The following CSMD3 variants were observed in gnomAD, a reference collection of about 807,000 sequenced individuals.
CSMD3 encodes the protein CUB and Sushi multiple domains 3, also known as CUB and sushi domain-containing protein 3.
A neutral mutation model predicts 435.2 loss-of-function variants in CSMD3; 177 were observed. The ratio of observed to expected loss-of-function variants is 0.41; its 90% CI spans 0.36 to 0.46. The LOEUF (loss-of-function observed/expected upper bound fraction) is 0.46. CSMD3 is among the 20% of genes least tolerant of loss of function. CSMD3 has a pLI of 0.34. For synonymous variants in CSMD3, 1,656 were observed against 1,520.5 expected, an observed-to-expected ratio of 1.09 and a Z score of -2.07; for missense variants, 4,265 against 4,504.6, an observed-to-expected ratio of 0.95 and a Z score of 1.52.
chr8:112,542,458 A>C (rs1364756844), intron 27 of CSMD3, among the ~76,000 whole-genome samples: 1 of 151,944 alleles, frequency 6.6e-6, no homozygotes, highest in Non-Finnish European at 1.5e-5. Flanking sequence ...TAAATTCAAT[A>C]AAGTTTCAGG....
intron 68 of CSMD3, among the ~76,000 whole-genome samples, chr8:112,232,812 C>T (rs1213929484): frequency 6.6e-6 from 1 of 151,976 alleles, no homozygotes; most frequent in Non-Finnish European, 1.5e-5. Context: ...ACCACTTGCC[C>T]CTCTGAGAGT....
intron 13 of CSMD3, among the ~76,000 whole-genome samples, chr8:112,799,912 C>T (rs2132327915): frequency 6.6e-6 from 1 of 151,754 alleles, no homozygotes; most frequent in South Asian, 2.1e-4. Flanking sequence ...GATTGAAACA[C>T]AAGGATAGTA....
chr8:113,020,584 G>A (rs1352397609), intron 5 of CSMD3, among the ~76,000 whole-genome samples: 1 of 152,172 alleles, frequency 6.6e-6, no homozygotes, highest in Non-Finnish European at 1.5e-5. Flanking sequence ...AAGAGTTTCA[G>A]ATTAAGGTTT....
intron 31 of CSMD3, among the ~76,000 whole-genome samples, chr8:112,491,144 T>C (rs1468623872): frequency 1.3e-5 from 2 of 152,172 alleles, no homozygotes; most frequent in South Asian, 4.1e-4. Flanking sequence ...CATGTAATTC[T>C]TATAAGTGAA....
chr8:112,714,073 T>A (rs1340936979), intron 13 of CSMD3, among the ~76,000 whole-genome samples: 2 of 152,094 alleles, frequency 1.3e-5, no homozygotes, highest in African/African-American at 4.8e-5. Context: ...CACATAATAA[T>A]ATTAACCTTA....
At chr8:112,840,316 T>C (rs1410566358) in intron 11 of CSMD3, among the ~76,000 whole-genome samples, 1 of 151,766 alleles carries the variant, frequency 6.6e-6, no homozygotes, top group Non-Finnish European at 1.5e-5. Context: ...AATTCTTCCA[T>C]TTCACGAACT....
chr8:112,930,648 C>G (rs1179113412), intron 9 of CSMD3, among the ~76,000 whole-genome samples: 4 of 152,018 alleles, frequency 2.6e-5, no homozygotes, highest in Non-Finnish European at 4.4e-5. Flanking sequence ...TTCTAGTTTA[C>G]AAAGTACTTT....
chr8:113,130,283 T>C (rs1464057804), intron 4 of CSMD3, among the ~76,000 whole-genome samples: 1 of 152,156 alleles, frequency 6.6e-6, no homozygotes, highest in East Asian at 1.9e-4. Flanking sequence ...ATGGTTTGTA[T>C]TTGTGTCCCC....
intron 32 of CSMD3, among the ~76,000 whole-genome samples, chr8:112,428,307 AT>A (rs1323319141): frequency 6.6e-6 from 1 of 152,180 alleles, no homozygotes; most frequent in Non-Finnish European, 1.5e-5. Context: ...GTACAAAAAA[AT>A]ATATTCTCAA....
rs1026055242 is a variant in CSMD3, at chr8:113,238,034, C to T, written c.514+40558G>A. Among the ~76,000 whole-genome samples the T allele has an allele frequency of 5.6e-5, 8 of 143,748 alleles. No individual in the cohort carries two copies. In the Admixed American group the frequency reaches 5.7e-4, roughly 10 times the overall value. 94.3% of individuals were successfully genotyped at this position (143,748 alleles called of 152,430 possible). ...AGGTTGCAGTGAGCAGATATCACAC[C>T]ATTGCACTCCAGCCTGGGCAACAGA... On this transcript the variant is annotated intron_variant, in intron 3 of 70. Transcript: ENST00000297405.
At chr8:112,263,037 C>G (rs888254) in intron 61 of CSMD3, among the ~76,000 whole-genome samples, 31,748 of 151,354 alleles carry the variant, frequency 0.21, 3,766 homozygotes, top group East Asian at 0.37. Flanking sequence ...GTTCTAGAAT[C>G]ATTTATGTAA....
intron 10 of CSMD3, among the ~76,000 whole-genome samples, chr8:112,910,853 C>T (rs1318193857): frequency 1.3e-5 from 2 of 151,816 alleles, no homozygotes; most frequent in African/African-American, 2.4e-5. Flanking sequence ...CCAGTGAAAA[C>T]GATTTTACCC....
chr8:113,375,989 G>A (rs779314256), intron 1 of CSMD3, among the ~76,000 whole-genome samples: 1 of 150,074 alleles, frequency 6.7e-6, no homozygotes, highest in Non-Finnish European at 1.5e-5. Context: ...CTGGAGCCCT[G>A]TCTAAGACGC....
intron 13 of CSMD3, among the ~76,000 whole-genome samples, chr8:112,720,514 T>G (rs2076834114): frequency 6.6e-6 from 1 of 152,162 alleles, no homozygotes; most frequent in Non-Finnish European, 1.5e-5. Context: ...TTTCCAAAAC[T>G]TAATATTTTA....
chr8:113,120,014 A>C (rs897226382), intron 4 of CSMD3, among the ~76,000 whole-genome samples: 3 of 152,046 alleles, frequency 2.0e-5, no homozygotes, highest in African/African-American at 4.8e-5. Flanking sequence ...CAAATAAAAA[A>C]AATTTTCCTA....
intron 5 of CSMD3, among the ~76,000 whole-genome samples, chr8:113,023,104 T>C (rs1045272708): frequency 2.0e-5 from 3 of 152,076 alleles, no homozygotes; most frequent in African/African-American, 4.8e-5. Flanking sequence ...TTTTCTTTAA[T>C]GTTAAACCGC....
At chr8:112,919,635 A>G (rs756571658) in intron 10 of CSMD3, among the ~76,000 whole-genome samples, 34 of 151,820 alleles carry the variant, frequency 2.2e-4, no homozygotes, top group Non-Finnish European at 4.1e-4. Flanking sequence ...ACATTGAAGT[A>G]GGATATTTGA....
intron 5 of CSMD3, among the ~76,000 whole-genome samples, chr8:113,036,858 G>C (rs1036496318): frequency 6.6e-6 from 1 of 151,752 alleles, no homozygotes; most frequent in African/African-American, 2.4e-5. Context: ...AAATTCCCTC[G>C]TTTTCTCACT....
intron 53 of CSMD3, among the ~76,000 whole-genome samples, chr8:112,299,558 A>G (rs1820706705): frequency 6.6e-6 from 1 of 152,148 alleles, no homozygotes; most frequent in African/African-American, 2.4e-5. Context: ...TTGTAGAATT[A>G]GGTGGTAGGC....
Sources: allele counts gnomAD v4.1 joint callset (sites outside exome capture counted in the v4.1 genomes callset), GRCh38; gene constraint gnomAD v4.1.1; transcripts MANE v1.5; gene names NCBI Gene and HGNC (gene_info 2026-07-23, HGNC 2026-07-21).